G3BP2: variants seen among roughly 807,000 people sequenced by gnomAD.
The protein encoded by G3BP2 is G3BP stress granule assembly factor 2, also known as ras GTPase-activating protein-binding protein 2.
A neutral mutation model predicts 56.7 loss-of-function variants in G3BP2; 11 were observed. That is an observed-to-expected ratio of 0.19 (90% CI 0.12 to 0.32). G3BP2 has a LOEUF of 0.32. Among genes scored for constraint, G3BP2 ranks in the 10% least tolerant of loss-of-function variants. The probability of loss-of-function intolerance (pLI) is 1.00; values close to 1 mark genes in which losing one functional copy is unlikely to be tolerated. For synonymous variants in G3BP2, 165 were observed against 191.6 expected (o/e 0.86, Z 1.15); for missense variants, 340 against 610.9 (o/e 0.56, Z 4.67).
chr4:75,650,375 G>A (rs542677625), intron 8 of G3BP2, among the ~76,000 whole-genome samples: 41 of 134,734 alleles, frequency 3.0e-4, no homozygotes, highest in East Asian at 8.7e-4. Context: ...CGGAGGTTGC[G>A]TGAGCAGATC....
intron 3 of G3BP2, among the ~76,000 whole-genome samples, chr4:75,658,262 C>T (rs1483190721): frequency 6.6e-6 from 1 of 152,050 alleles, no homozygotes; most frequent in Non-Finnish European, 1.5e-5. Flanking sequence ...TAAAACATAC[C>T]ATTTTCTCCT....
At chr4:75,681,707 G>T (rs1040217887) in intron 3 of G3BP2, among the ~76,000 whole-genome samples, 3 of 151,704 alleles carry the variant, frequency 2.0e-5, no homozygotes, top group Non-Finnish European at 4.4e-5. Flanking sequence ...AACTTAGCCG[G>T]GCGTGGTGGT....
intron 2 of G3BP2, among the ~76,000 whole-genome samples, chr4:75,721,769 T>A (rs1720187981): frequency 6.6e-6 from 1 of 152,190 alleles, no homozygotes; most frequent in Non-Finnish European, 1.5e-5. Context: ...GAAAGTTAAG[T>A]GGGCCACTGA....
At chr4:75,718,973 A>G (rs532808946) in intron 3 of G3BP2, among the ~76,000 whole-genome samples, 1 of 152,360 alleles carries the variant, frequency 6.6e-6, no homozygotes, top group South Asian at 2.1e-4. Context: ...ATTAAGCCTC[A>G]TCTGAAGTAA....
At chr4:75,665,773 A>G (rs961787780) in intron 1 of G3BP2, among the ~76,000 whole-genome samples, 7 of 152,226 alleles carry the variant, frequency 4.6e-5, no homozygotes, top group African/African-American at 1.7e-4. Flanking sequence ...GATAACTAAA[A>G]CATGGAAATT....
chr4:75,688,424 T>C (rs1379475275), intron 3 of G3BP2, among the ~76,000 whole-genome samples: 2 of 152,190 alleles, frequency 1.3e-5, no homozygotes, highest in Non-Finnish European at 2.9e-5. Context: ...CTATTTTGTT[T>C]GTTGTGTGTA....
intron 2 of G3BP2, among the ~76,000 whole-genome samples, chr4:75,659,737 G>C (rs888757505): frequency 3.3e-5 from 5 of 152,140 alleles, no homozygotes; most frequent in African/African-American, 7.2e-5. Context: ...CTGAGGTTCA[G>C]AAGAGGTTAA....
At chr4:75,690,987 G>A (rs1718831649) in intron 3 of G3BP2, among the ~76,000 whole-genome samples, 1 of 152,136 alleles carries the variant, frequency 6.6e-6, no homozygotes, top group African/African-American at 2.4e-5. Context: ...AATCTTAATT[G>A]CTCAGTGTCG....
At chr4:75,692,457 G>A (rs571137936) in intron 3 of G3BP2, among the ~76,000 whole-genome samples, 2 of 152,176 alleles carry the variant, frequency 1.3e-5, no homozygotes, top group African/African-American at 2.4e-5. Flanking sequence ...GACTACAGGC[G>A]CGGGCCACCA....
At chr4:75,711,831 G>C (rs1719771271) in intron 3 of G3BP2, among the ~76,000 whole-genome samples, 2 of 152,248 alleles carry the variant, frequency 1.3e-5, no homozygotes, top group South Asian at 4.2e-4. Flanking sequence ...GCAACATGGA[G>C]CCCCTTGGGT....
upstream of G3BP2, among the ~76,000 whole-genome samples, chr4:75,676,233 C>A (rs1733870474): frequency 6.6e-6 from 1 of 152,148 alleles, no homozygotes; most frequent in Non-Finnish European, 1.5e-5. Flanking sequence ...TGTCCACCTC[C>A]TATAGACTAG....
chr4:75,706,506 C>T (rs1169259543), intron 3 of G3BP2, among the ~76,000 whole-genome samples: 3 of 151,410 alleles, frequency 2.0e-5, no homozygotes, highest in African/African-American at 7.3e-5. Flanking sequence ...GGAGAAACCC[C>T]ATGTCTACTA....
chr4:75,667,288 TAA>T (rs33912343), intron 1 of G3BP2, among the ~76,000 whole-genome samples: 103 of 137,276 alleles, frequency 7.5e-4, no homozygotes, highest in African/African-American at 7.3e-4. Flanking sequence ...AGACACTGTT[TAA>T]AAAAAAAAAA....
chr4:75,646,598 AG>A, intron 10 of G3BP2, 142 bp from the exon 11 acceptor site: 1 of 636,378 alleles, frequency 1.6e-6, no homozygotes, highest in South Asian at 2.0e-5. Flanking sequence ...GTGATAGCCA[AG>A]GTACGTTTAC....
chr4:75,652,492 G>C (rs1400302286), intron 8 of G3BP2, among the ~76,000 whole-genome samples: 1 of 152,102 alleles, frequency 6.6e-6, no homozygotes, highest in Admixed American at 6.6e-5. Flanking sequence ...CGTGGTGGCG[G>C]GCACCTACAA....
At chr4:75,654,899 G>A (rs1318396188) in intron 7 of G3BP2, 167 bp downstream of exon 7, 3 of 590,200 alleles carry the variant, frequency 5.1e-6, no homozygotes, top group Non-Finnish European at 5.9e-6. Flanking sequence ...TTGCGGGGCA[G>A]GGAAACAATA....
At chr4:75,705,749 G>A (rs1252492932) in intron 3 of G3BP2, among the ~76,000 whole-genome samples, 2 of 152,104 alleles carry the variant, frequency 1.3e-5, no homozygotes, top group Non-Finnish European at 2.9e-5. Context: ...TAAAAAGAAC[G>A]GGTAGGAGGT....
intron 3 of G3BP2, among the ~76,000 whole-genome samples, chr4:75,687,877 G>T (rs533685713): frequency 4.5e-4 from 69 of 152,312 alleles, no homozygotes; most frequent in African/African-American, 1.6e-3. Context: ...AGGGTTTGAG[G>T]CCCTGAGTTT....
intron 3 of G3BP2, among the ~76,000 whole-genome samples, chr4:75,688,904 A>G (rs893806444): frequency 2.0e-5 from 3 of 152,244 alleles, no homozygotes; most frequent in African/African-American, 7.2e-5. Flanking sequence ...GCTGATATAA[A>G]TAATTCAGAA....
Sources: gnomAD v4.1 joint callset for allele counts (sites outside exome capture counted in the v4.1 genomes callset) on GRCh38, gnomAD v4.1.1 for gene constraint, MANE v1.5 for transcripts, NCBI Gene and HGNC (gene_info 2026-07-23, HGNC 2026-07-21) for gene names.